Variants in SNX29 observed in about 807,000 individuals in gnomAD.
SNX29 encodes the protein sorting nexin-29.
In SNX29, 78 loss-of-function variants were observed where a neutral mutation model predicts 102.1. The observed-to-expected ratio is 0.76, with a 90% confidence interval of 0.64 to 0.92. The LOEUF (loss-of-function observed/expected upper bound fraction) is 0.92. Ranked by LOEUF, SNX29 falls within the 40% of genes least tolerant of loss-of-function variation. The pLI, the probability that SNX29 is intolerant of heterozygous loss-of-function variation, is 0.00. For synonymous variants in SNX29, 580 were observed against 414.5 expected, an observed-to-expected ratio of 1.40 and a Z score of -4.85; for missense variants, 1,280 against 1,061.7, an observed-to-expected ratio of 1.21 and a Z score of -2.86.
At chr16:12,055,182 A>G (rs1001218929) in intron 8 of SNX29, among the ~76,000 whole-genome samples, 3 of 147,376 alleles carry the variant, frequency 2.0e-5, no homozygotes, top group South Asian at 2.1e-4. Context: ...TTCTACCTCT[A>G]TCTGTACCTC....
At chr16:12,478,651 A>G (rs1012403583) in intron 19 of SNX29, among the ~76,000 whole-genome samples, 2 of 152,176 alleles carry the variant, frequency 1.3e-5, no homozygotes, top group African/African-American at 2.4e-5. Flanking sequence ...AGCCCTGTCA[A>G]ATGGTCAGCT....
Position 12,570,914 on chromosome 16 carries a change from C to CA in SNX29, c.*2289dup, listed in dbSNP as rs2141586124. On this transcript the variant is annotated 3_prime_UTR_variant, in exon 21 of 21. Transcript: ENST00000566228. ...TTCACAAAAAACCTGGTCTGCTCTC[C>CA]AAAATGAGAGCATGTTCCTGGGAGC... The CA allele has an allele frequency of 4.5e-6, 1 of 221,480 alleles. No homozygotes were observed. Among genetic ancestry groups the CA allele is most frequent in the African/African-American group, 2.4e-5 (1 of 42,430 alleles). The allele number at this position is 221,480 out of a possible 1,614,324, so 13.7% of individuals were successfully genotyped here. A position where few individuals can be genotyped will look rare whatever the true frequency, so the allele number is the denominator to read the frequency against.
At chr16:12,546,945 A>G (rs2077642767) in intron 20 of SNX29, among the ~76,000 whole-genome samples, 1 of 152,170 alleles carries the variant, frequency 6.6e-6, no homozygotes, top group South Asian at 2.1e-4. Flanking sequence ...GAGAAAATAA[A>G]TTCCCCACCC....
intron 20 of SNX29, among the ~76,000 whole-genome samples, chr16:12,557,015 A>ACACCCCCCCCCCCCCCCCCCCCC (rs66825746): frequency 3.1e-5 from 1 of 31,812 alleles, no homozygotes. Context: ...TGGCTAATTT[A>ACACCCCCCCCCCCCCCCCCCCCC]CCCCCCCCCC....
chr16:12,560,139 C>CA (rs940806049), intron 20 of SNX29, among the ~76,000 whole-genome samples: 20 of 53,576 alleles, frequency 3.7e-4, no homozygotes, highest in Non-Finnish European at 7.8e-4. Context: ...TTCCCCTCCC[C>CA]CCCCCAACAA....
At chr16:12,006,199 G>T (rs1036018355) in intron 3 of SNX29, among the ~76,000 whole-genome samples, 1 of 116,512 alleles carries the variant, frequency 8.6e-6, no homozygotes, top group African/African-American at 3.0e-5. Context: ...CAGAGACCCT[G>T]TCTCTAAAAT....
intron 13 of SNX29, among the ~76,000 whole-genome samples, chr16:12,154,207 C>T (rs369606595): frequency 5.9e-5 from 9 of 152,222 alleles, no homozygotes; most frequent in East Asian, 5.8e-4. Context: ...GAATGAAGTG[C>T]ATTTTGGGAA....
intron 13 of SNX29, among the ~76,000 whole-genome samples, chr16:12,158,768 A>G (rs561658076): frequency 6.6e-6 from 1 of 152,330 alleles, no homozygotes; most frequent in African/African-American, 2.4e-5. Flanking sequence ...ACCTCAGGCA[A>G]CTTTGAGCCT....
chr16:12,210,731 C>T (rs2077161442), intron 14 of SNX29, among the ~76,000 whole-genome samples: 1 of 151,908 alleles, frequency 6.6e-6, no homozygotes, highest in African/African-American at 2.4e-5. Context: ...CATGTTCCCT[C>T]CCTCCCTCAT....
chr16:12,108,131 C>A (rs1206317051), intron 11 of SNX29, among the ~76,000 whole-genome samples: 2 of 152,172 alleles, frequency 1.3e-5, no homozygotes, highest in African/African-American at 4.8e-5. Context: ...TGCAGATGGG[C>A]CAGGCTCTTT....
chr16:12,390,149 GGTGTGTGTGT>G (rs34547147), intron 16 of SNX29, among the ~76,000 whole-genome samples: 14 of 145,680 alleles, frequency 9.6e-5, no homozygotes, highest in Admixed American at 3.4e-4. Flanking sequence ...GCAATTGAGG[GGTGTGTGTGT>G]GTGTGTGTGT....
intron 20 of SNX29, among the ~76,000 whole-genome samples, chr16:12,554,393 G>A (rs1012025752): frequency 6.6e-6 from 1 of 152,050 alleles, no homozygotes; most frequent in South Asian, 2.1e-4. Flanking sequence ...CCCCGTGCAT[G>A]GGTGTGCATC....
At chr16:12,077,579 C>T (rs1390120927) in intron 10 of SNX29, among the ~76,000 whole-genome samples, 2 of 152,152 alleles carry the variant, frequency 1.3e-5, no homozygotes, top group African/African-American at 4.8e-5. Flanking sequence ...TGAACCAGTG[C>T]TCCTAGGGGA....
intron 20 of SNX29, chr16:12,556,610 G>C (rs955260864): frequency 6.6e-6 from 1 of 152,310 alleles, no homozygotes; most frequent in Non-Finnish European, 1.5e-5. Context: ...TCTGAGGAAG[G>C]GTCAAGGCAA....
rs1470505263 is a variant in SNX29, at chr16:12,463,734, A to G, written c.2038-13985A>G. ...AATAAAAATTGTATATATTCAAGGC[A>G]TACAACATGATGGTTTGATGTACAT... On this transcript the variant is annotated intron_variant, in intron 18 of 20. Transcript: ENST00000566228. Among the ~76,000 whole-genome samples, 5 of 152,256 alleles carry G rather than the reference A, an allele frequency of 3.3e-5. No individual in the cohort carries two copies. The East Asian group carries it at 5.8e-4, about 18-fold the overall frequency.
Position 12,568,971 on chromosome 16 carries a change from G to A in SNX29, c.*342G>A. The A allele has an allele frequency of 5.6e-6, 2 of 356,230 alleles. No homozygotes were observed. The highest frequency in any genetic ancestry group is 1.0e-5 in the Non-Finnish European group (2 of 195,858). The allele number at this position is 356,230 out of a possible 1,614,324, so 22.1% of individuals were successfully genotyped here. ...CACCAGGTCAGGCTGGGTGCGCCAT[G>A]GTTGAGAGGCAAAGGTGATCCCCTA... On this transcript the variant is annotated 3_prime_UTR_variant, in exon 21 of 21. Coordinates refer to ENST00000566228, the MANE Select transcript of SNX29 (RefSeq NM_032167.5).
chr16:12,270,817 A>G (rs2079069448), intron 14 of SNX29, among the ~76,000 whole-genome samples: 1 of 152,082 alleles, frequency 6.6e-6, no homozygotes, highest in African/African-American at 2.4e-5. Context: ...CAAGGCGGGT[A>G]GATCGCCTGC....
At chr16:12,134,023 G>A (rs893352164) in intron 13 of SNX29, among the ~76,000 whole-genome samples, 3 of 152,160 alleles carry the variant, frequency 2.0e-5, no homozygotes, top group African/African-American at 4.8e-5. Flanking sequence ...GGGCAGCTGC[G>A]AGTTCCTGAG....
intron 20 of SNX29, among the ~76,000 whole-genome samples, chr16:12,559,245 C>G (rs911038641): frequency 2.6e-5 from 4 of 152,098 alleles, no homozygotes; most frequent in African/African-American, 9.7e-5. Context: ...TCACTCGCAT[C>G]ACCGCCTGAG....
Sources: allele counts gnomAD v4.1 joint callset (sites outside exome capture counted in the v4.1 genomes callset), GRCh38; gene constraint gnomAD v4.1.1; transcripts MANE v1.5; gene names NCBI Gene and HGNC (gene_info 2026-07-23, HGNC 2026-07-21).